Variants in URB1 observed in about 807,000 individuals in gnomAD.
The protein encoded by URB1 is nucleolar pre-ribosomal-associated protein 1.
In URB1, 197 loss-of-function variants were observed where a neutral mutation model predicts 242.3. The observed-to-expected ratio is 0.81, with a 90% CI of 0.72 to 0.91. The LOEUF is 0.91. URB1 is among the 40% of genes least tolerant of loss of function. URB1 has a pLI of 0.00. For synonymous variants in URB1, 1,153 were observed against 1,201.8 expected (o/e 0.96, Z 0.84); for missense variants, 2,721 against 2,860.5 (o/e 0.95, Z 1.11).
At chr21:32,325,200 A>G (rs2032814925) in intron 31 of URB1, 29 bp downstream of exon 31, 1 of 1,529,556 alleles carries the variant, frequency 6.5e-7, no homozygotes. Context: ...GCCCACCCCC[A>G]CAGTAGGATG....
chr21:32,323,038 G>T (rs1210896015), intron 32 of URB1, among the ~76,000 whole-genome samples: 1 of 152,112 alleles, frequency 6.6e-6, no homozygotes, highest in Admixed American at 6.5e-5. Flanking sequence ...CAACGCAGAG[G>T]GCAACGGACA....
intron 8 of URB1, among the ~76,000 whole-genome samples, chr21:32,371,318 C>T (rs761923005): frequency 2.6e-4 from 40 of 152,182 alleles, no homozygotes; most frequent in Non-Finnish European, 5.4e-4. Context: ...TGCAAAGAGA[C>T]GCACACCCAC....
chr21:32,369,513 G>A (rs1196174286), intron 8 of URB1, among the ~76,000 whole-genome samples: 2 of 152,122 alleles, frequency 1.3e-5, no homozygotes, highest in Non-Finnish European at 2.9e-5. Context: ...CACCCAGAAT[G>A]CAGTGGCGTG....
At position 32,319,259 on chromosome 21, in the gene URB1, T is replaced by G. The variant is rs374514405; in HGVS notation, c.5750A>C (p.Asn1917Thr). The change falls in exon 36 of 39, where the codon AAT becomes ACT. Residue 1917 changes from asparagine (N) to threonine (T), a missense_variant. Coordinates refer to ENST00000382751, the MANE Select transcript of URB1 (RefSeq NM_014825.3). ...PAKRLALHLV[N>T]EFLYVLIVLM... ...CACGATGAGAACATAAAGGAACTCA[T>G]TGACCAGGTGCAGGGCAAGCCGCTT... is the stretch of plus-strand genomic sequence containing the variant. 1 of 1,551,236 alleles carries G rather than the reference T, an allele frequency of 6.4e-7. No individual in the cohort carries two copies. Among genetic ancestry groups the G allele is most frequent in the Non-Finnish European group, 8.7e-7 (1 of 1,146,778 alleles).
chr21:32,347,225 A>G lies in URB1; in HGVS notation c.3599T>C (p.Leu1200Pro), dbSNP rs766103084. ...AGGGTCTCTCTGCAGAGTGTGGAGG[A>G]GCACTGTGTCCAGCTCGTCCACTGC... ...TLAVDELDTV[L>P]LHTLQRDPVL... is the part of the protein sequence containing the mutation. The change falls in exon 22 of 39, where the codon CTC (leucine) becomes CCC (proline). Residue 1200 changes from leucine (L) to proline (P), a missense_variant. Leu to Pro is a moderately conservative substitution (Grantham distance 98, BLOSUM62 -3). Transcript: ENST00000382751. The G allele has an allele frequency of 1.3e-6, 2 of 1,550,634 alleles. No individual in the cohort carries two copies. Among genetic ancestry groups the G allele is most frequent in the Non-Finnish European group, 1.7e-6 (2 of 1,146,962 alleles).
chr21:32,318,041 T>G, intron 36 of URB1, 124 bp from the exon 37 acceptor site: 3 of 1,302,042 alleles, frequency 2.3e-6, no homozygotes, highest in Non-Finnish European at 3.1e-6. Context: ...GAACCAGGTT[T>G]TCCTGCACAG....
Position 32,363,164 on chromosome 21 carries a change from G to C in URB1, c.1501C>G (p.Leu501Val), listed in dbSNP as rs1380809067. The change falls in exon 11 of 39, where the codon CTG becomes GTG. Residue 501 changes from leucine to valine, a missense_variant. Leu to Val is a conservative substitution (Grantham distance 32). Transcript: ENST00000382751. ...EEFVQLFREA[L>V]SKILPDLNTV... ...CCCAGATCAGAGCCTACCTTGCTCAGGGCTTCTCTGAAGAGCTGCACGAAT... is the reference window on the plus strand; with the variant it reads ...CCCAGATCAGAGCCTACCTTGCTCACGGCTTCTCTGAAGAGCTGCACGAAT... 1 of 1,551,654 alleles carries C rather than the reference G, an allele frequency of 6.4e-7. No individual in the cohort carries two copies. The highest frequency in any genetic ancestry group is 2.4e-5 in the East Asian group (1 of 40,924).
At chr21:32,349,192 T>G (rs2033127458) in intron 21 of URB1, 112 bp downstream of exon 21, 1 of 1,365,226 alleles carries the variant, frequency 7.3e-7, no homozygotes, top group South Asian at 1.6e-5. Flanking sequence ...CTGTAGTTTC[T>G]GCATTTCCCA....
At chr21:32,328,311 T>G (rs2032853927) in intron 30 of URB1, among the ~76,000 whole-genome samples, 1 of 152,190 alleles carries the variant, frequency 6.6e-6, no homozygotes, top group Non-Finnish European at 1.5e-5. Flanking sequence ...CTAATTTTCT[T>G]ATTTTTAGTA....
intron 10 of URB1, among the ~76,000 whole-genome samples, chr21:32,366,165 T>C (rs2033343919): frequency 6.6e-6 from 1 of 151,760 alleles, no homozygotes; most frequent in Non-Finnish European, 1.5e-5. Context: ...TCAAAGTATA[T>C]GTTTGCCAGG....
intron 31 of URB1, 58 bp from the exon 32 acceptor site, chr21:32,324,660 G>C (rs2032807576): frequency 2.3e-6 from 3 of 1,327,646 alleles, no homozygotes; most frequent in Admixed American, 4.0e-5. Flanking sequence ...GCTATGGTCA[G>C]TCCTCTCTGG....
Position 32,349,345 on chromosome 21 carries a change from C to T in URB1, c.2971G>A (p.Asp991Asn). Reference sequence around the variant, plus strand: ...TCCAGCGAGGCCACGGACTCCATGTCCAGGAAGAGGTCGGCTTCGGCCCGG... The same window carrying T: ...TCCAGCGAGGCCACGGACTCCATGTTCAGGAAGAGGTCGGCTTCGGCCCGG... ...AARAEADLFLDMESVASLELA... is the reference protein window; with the variant it reads ...AARAEADLFLNMESVASLELA... Residue 991 changes from aspartate to asparagine, a missense_variant, in exon 21 of 39, where the codon GAC becomes AAC. Asp to Asn is a conservative substitution (Grantham distance 23). Transcript: ENST00000382751. 1 of 1,550,802 alleles carries T rather than the reference C, an allele frequency of 6.4e-7. No homozygotes were observed. The highest frequency in any genetic ancestry group is 8.7e-7 in the Non-Finnish European group (1 of 1,146,650).
Position 32,372,573 on chromosome 21 carries a change from A to G in URB1, c.935T>C (p.Met312Thr). 3.2e-6 allele frequency: 5 copies of G among 1,551,716 alleles called. No homozygotes were observed. Among genetic ancestry groups the G allele is most frequent in the Non-Finnish European group, 4.4e-6 (5 of 1,147,002 alleles). ...MVRELVHNFL[M>T]DLCCSLKHGI... is the part of the protein sequence containing the mutation. ...ATGCTTGAGTGAACAGCAAAGATCC[A>G]TCAGGAAGTTATGAACAAGCTCCCG... The change falls in exon 8 of 39, where the codon ATG becomes ACG. Residue 312 changes from methionine to threonine, a missense_variant. Transcript: ENST00000382751.
rs890441146 is a variant in URB1 at position 32,315,256 on chromosome 21, T to C, written c.6635-157A>G. On this transcript the variant is annotated intron_variant, in intron 38 of 38. Coordinates refer to ENST00000382751, the MANE Select transcript of URB1 (RefSeq NM_014825.3). The stretch of plus-strand genomic sequence containing the variant: ...TGAGCACACCGATACAACAACTCAC[T>C]CTGCCTTTGCTTAACTTTTGTGTTA... 2.6e-4 allele frequency among the ~76,000 whole-genome samples: 40 copies of C among 151,140 alleles called. 1 individual carries two copies. Among genetic ancestry groups the C allele is most frequent in the African/African-American group, 9.3e-4 (38 of 41,032 alleles).
intron 4 of URB1, among the ~76,000 whole-genome samples, chr21:32,381,155 C>T (rs537483585): frequency 2.2e-4 from 34 of 152,302 alleles, no homozygotes; most frequent in Middle Eastern, 3.4e-3. Context: ...CCATCAAAGG[C>T]GTCCCACTCC....
chr21:32,368,191 C>T (rs1315077559), intron 9 of URB1, among the ~76,000 whole-genome samples: 3 of 152,080 alleles, frequency 2.0e-5, no homozygotes, highest in African/African-American at 4.8e-5. Context: ...TCTCAGGCTC[C>T]CAAGTACCTG....
In URB1 at chr21:32,368,607, G is replaced by GAA; in HGVS notation, c.1002-11_1002-10dup. 1 of 1,547,528 alleles carries GAA rather than the reference G, an allele frequency of 6.5e-7. No homozygotes were observed. The highest frequency in any genetic ancestry group is 8.7e-7 in the Non-Finnish European group (1 of 1,145,388). ...GTGTCAGGTTTCCGCCTCTGTTAGA[G>GAA]AAAGACACATGGGGAGAGGTCAGCA... is the stretch of plus-strand genomic sequence containing the variant. On this transcript the variant is annotated splice_polypyrimidine_tract_variant and intron_variant, in intron 8 of 38. Transcript: ENST00000382751.
At position 32,313,247 on chromosome 21, in the gene URB1, G is replaced by A. The variant is rs1368421609; in HGVS notation, c.*1671C>T. The A allele has an allele frequency of 1.3e-5, 2 of 152,248 alleles. No individual in the cohort carries two copies. Among genetic ancestry groups the A allele is most frequent in the Non-Finnish European group, 2.9e-5 (2 of 68,064 alleles). 9.4% of individuals were successfully genotyped at this position (152,248 alleles called of 1,614,324 possible). ...CCTCCCTGTGCCCCCAGAGGCATGG[G>A]GTTCAGGGATATTCCCCAGACCAAT... On this transcript the variant is annotated 3_prime_UTR_variant, in exon 39 of 39. Transcript: ENST00000382751.
At position 32,347,719 on chromosome 21, in the gene URB1, C is replaced by T. The variant is rs1020166105; in HGVS notation, c.3105G>A (p.Thr1035=). Residue 1035 remains threonine, a synonymous_variant, in exon 22 of 39, where the codon ACG becomes ACA. Coordinates refer to ENST00000382751, the MANE Select transcript of URB1 (RefSeq NM_014825.3). ...GGAGCTTCACGAGGACAGGGCTGAG[C>T]GTGTGCGGCGGGAGGGCCTGCTGCT... The part of the protein sequence containing the change: ...ALEQQALPPH[T]LSPVLVKLLA... 7.1e-6 allele frequency: 11 copies of T among 1,550,594 alleles called. No individual in the cohort carries two copies. Among genetic ancestry groups the T allele is most frequent in the South Asian group, 3.6e-5 (3 of 84,068 alleles).
Sources: gnomAD v4.1 joint callset for allele counts (sites outside exome capture counted in the v4.1 genomes callset) on GRCh38, gnomAD v4.1.1 for gene constraint, MANE v1.5 for transcripts, NCBI Gene and HGNC (gene_info 2026-07-23, HGNC 2026-07-21) for gene names.